The following PKD2L2 variants were observed in gnomAD, a reference collection of about 807,000 sequenced individuals.
PKD2L2 encodes the protein polycystin 2 like 2, transient receptor potential cation channel.
In PKD2L2, 67 loss-of-function variants were observed where a neutral mutation model predicts 83.9. The observed-to-expected ratio is 0.80, with a 90% CI of 0.66 to 0.98. PKD2L2 has a LOEUF of 0.98. Among genes scored for constraint, PKD2L2 ranks in the 50% least tolerant of loss-of-function variants. PKD2L2 has a pLI of 0.00. For synonymous variants in PKD2L2, 223 were observed against 237.8 expected, an observed-to-expected ratio of 0.94 and a Z score of 0.57; for missense variants, 632 against 717.2, an observed-to-expected ratio of 0.88 and a Z score of 1.36.
intron 2 of PKD2L2, among the ~76,000 whole-genome samples, chr5:137,891,676 A>G (rs1460934160): frequency 6.6e-6 from 1 of 151,736 alleles, no homozygotes; most frequent in Non-Finnish European, 1.5e-5. Context: ...CTGAATCTCC[A>G]TTTATAATGT....
At chr5:137,892,214 T>C (rs1264519916) in intron 2 of PKD2L2, among the ~76,000 whole-genome samples, 3 of 152,222 alleles carry the variant, frequency 2.0e-5, no homozygotes, top group Non-Finnish European at 4.4e-5. Flanking sequence ...ATAGTGTGTA[T>C]AATGTGTCCT....
At chr5:137,935,554 A>G (rs183968002) in intron 12 of PKD2L2, among the ~76,000 whole-genome samples, 21 of 152,358 alleles carry the variant, frequency 1.4e-4, no homozygotes, top group Admixed American at 1.4e-3. Context: ...AATGTAATTT[A>G]TAATTTGTTT....
At chr5:137,942,052 T>G in intron 14 of PKD2L2, 1 of 1,608,044 alleles carries the variant, frequency 6.2e-7, no homozygotes, top group East Asian at 2.2e-5. Flanking sequence ...AGGCCTAGAA[T>G]TGAAATGGTA....
At chr5:137,889,721 T>A (rs1755775865) in intron 1 of PKD2L2, among the ~76,000 whole-genome samples, 199 bp downstream of exon 1, 1 of 152,130 alleles carries the variant, frequency 6.6e-6, no homozygotes, top group Non-Finnish European at 1.5e-5. Context: ...CTGAGCGAGG[T>A]GGCGCTCGCC....
intron 5 of PKD2L2, 80 bp from the exon 6 acceptor site, chr5:137,906,126 A>G: frequency 1.2e-6 from 1 of 803,170 alleles, no homozygotes; most frequent in East Asian, 2.5e-5. Context: ...ATACATAATC[A>G]TTGATTGAAA....
intron 7 of PKD2L2, among the ~76,000 whole-genome samples, chr5:137,908,309 C>T (rs942922704): frequency 2.6e-5 from 4 of 151,804 alleles, no homozygotes; most frequent in African/African-American, 9.7e-5. Context: ...AGAAGTTGGC[C>T]AGGCACGGTG....
intron 12 of PKD2L2, among the ~76,000 whole-genome samples, chr5:137,932,026 T>G (rs1456896766): frequency 1.3e-5 from 2 of 152,136 alleles, no homozygotes; most frequent in Non-Finnish European, 2.9e-5. Flanking sequence ...ATTAACAAAA[T>G]GTTCAAAACC....
chr5:137,941,169 A>G (rs1201239512), intron 14 of PKD2L2, among the ~76,000 whole-genome samples: 2 of 152,020 alleles, frequency 1.3e-5, no homozygotes, highest in African/African-American at 4.8e-5. Flanking sequence ...CAGCCTCCCA[A>G]AGTGCTGGTA....
At chr5:137,909,281 G>A (rs555425831) in intron 8 of PKD2L2, among the ~76,000 whole-genome samples, 161 of 151,918 alleles carry the variant, frequency 1.1e-3, no homozygotes, top group African/African-American at 2.9e-3. Context: ...CTCCTGCCTC[G>A]GCCTCCCAAA....
At chr5:137,920,567 G>A (rs932290666) in intron 8 of PKD2L2, among the ~76,000 whole-genome samples, 1 of 151,914 alleles carries the variant, frequency 6.6e-6, no homozygotes, top group African/African-American at 2.4e-5. Flanking sequence ...GACCAGCCTG[G>A]ACAAGATGGT....
intron 4 of PKD2L2, among the ~76,000 whole-genome samples, chr5:137,896,775 C>T (rs1464746545): frequency 3.3e-5 from 5 of 152,074 alleles, no homozygotes; most frequent in African/African-American, 1.2e-4. Flanking sequence ...CCCCTCTACA[C>T]ACACTCTTCC....
chr5:137,898,769 G>A (rs1264356158), intron 4 of PKD2L2, among the ~76,000 whole-genome samples: 1 of 151,778 alleles, frequency 6.6e-6, no homozygotes, highest in Non-Finnish European at 1.5e-5. Context: ...GGTCACCCAG[G>A]CTGGAGTGCT....
chr5:137,937,957 G>T (rs1375254841), intron 14 of PKD2L2: 1 of 151,294 alleles, frequency 6.6e-6, no homozygotes, highest in East Asian at 1.9e-4. Context: ...CATTTACAAT[G>T]ACTTAGAACT....
intron 4 of PKD2L2, among the ~76,000 whole-genome samples, chr5:137,898,343 C>T (rs1473239066): frequency 6.6e-6 from 1 of 152,090 alleles, no homozygotes; most frequent in Non-Finnish European, 1.5e-5. Flanking sequence ...GACATTGTAA[C>T]AAAGTTTTTA....
At chr5:137,908,038 A>T in intron 7 of PKD2L2, 126 bp downstream of exon 7, 1 of 492,020 alleles carries the variant, frequency 2.0e-6, no homozygotes, top group Non-Finnish European at 3.4e-6. Context: ...AGTTTGGGCC[A>T]GCACAGTGGC....
At chr5:137,913,663 G>T (rs1758059157) in intron 8 of PKD2L2, among the ~76,000 whole-genome samples, 1 of 151,550 alleles carries the variant, frequency 6.6e-6, no homozygotes, top group Non-Finnish European at 1.5e-5. Context: ...GCTAATTTTT[G>T]TATTTTTAGT....
intron 12 of PKD2L2, among the ~76,000 whole-genome samples, chr5:137,929,545 A>AAAG (rs1554110311): frequency 2.0e-5 from 3 of 147,402 alleles, no homozygotes; most frequent in African/African-American, 7.4e-5. Context: ...AAAAAAAAAA[A>AAAG]AAAAAAAAAA....
intron 8 of PKD2L2, among the ~76,000 whole-genome samples, chr5:137,920,197 C>T (rs1377207438): frequency 2.0e-5 from 3 of 152,082 alleles, no homozygotes; most frequent in African/African-American, 7.2e-5. Context: ...GAGTGAAACA[C>T]CGTCTCAAAA....
intron 2 of PKD2L2, 66 bp from the exon 3 acceptor site, chr5:137,892,414 C>T (rs1756070321): frequency 1.2e-6 from 1 of 855,774 alleles, no homozygotes; most frequent in Non-Finnish European, 1.7e-6. Flanking sequence ...AAAAATGTAA[C>T]ATTTTTAATC....
Sources: allele counts gnomAD v4.1 joint callset (sites outside exome capture counted in the v4.1 genomes callset), GRCh38; gene constraint gnomAD v4.1.1; transcripts MANE v1.5; gene names NCBI Gene and HGNC (gene_info 2026-07-23, HGNC 2026-07-21).